The following LHFPL3 variants were observed in gnomAD, a reference collection of about 807,000 sequenced individuals.
The protein encoded by LHFPL3 is LHFPL tetraspan subfamily member 3, also known as LHFPL tetraspan subfamily member 3 protein.
In LHFPL3, 5 loss-of-function variants were observed where a neutral mutation model predicts 19.3. The ratio of observed to expected loss-of-function variants is 0.26; its 90% confidence interval spans 0.14 to 0.54. LHFPL3 has a LOEUF of 0.54. Among genes scored for constraint, LHFPL3 ranks in the 20% least tolerant of loss-of-function variants. The probability of loss-of-function intolerance (pLI) is 0.94; values close to 1 mark genes in which losing one functional copy is unlikely to be tolerated. For synonymous variants in LHFPL3, 133 were observed against 126.2 expected (o/e 1.05, Z -0.36); for missense variants, 249 against 307.4 (o/e 0.81, Z 1.42).
chr7:104,553,816 T>G (rs185420132), intron 1 of LHFPL3, among the ~76,000 whole-genome samples: 1 of 152,304 alleles, frequency 6.6e-6, no homozygotes, highest in East Asian at 1.9e-4. Context: ...ACACTGAAAC[T>G]TAATTAGTCC....
intron 2 of LHFPL3, among the ~76,000 whole-genome samples, chr7:104,862,744 A>G (rs763882576): frequency 6.6e-6 from 1 of 152,140 alleles, no homozygotes; most frequent in Non-Finnish European, 1.5e-5. Context: ...CAGCTTTCCA[A>G]GGAGCTTTAT....
chr7:104,838,872 T>C (rs182486579), intron 2 of LHFPL3, among the ~76,000 whole-genome samples: 1 of 152,338 alleles, frequency 6.6e-6, no homozygotes, highest in Non-Finnish European at 1.5e-5. Flanking sequence ...CAAAATAATG[T>C]AGTTAATACC....
intron 1 of LHFPL3, among the ~76,000 whole-genome samples, chr7:104,489,963 G>T (rs1233653701): frequency 6.6e-6 from 1 of 152,066 alleles, no homozygotes; most frequent in East Asian, 1.9e-4. Flanking sequence ...CCTACTGCAG[G>T]TCTAACTGAT....
intron 1 of LHFPL3, among the ~76,000 whole-genome samples, chr7:104,481,988 G>A (rs1298245448): frequency 6.6e-6 from 1 of 152,130 alleles, no homozygotes; most frequent in Non-Finnish European, 1.5e-5. Flanking sequence ...GCCTGCTAAT[G>A]GCTCTCAGTT....
At chr7:104,730,406 G>T (rs1375356314) in intron 1 of LHFPL3, among the ~76,000 whole-genome samples, 4 of 152,182 alleles carry the variant, frequency 2.6e-5, no homozygotes. Context: ...TCCAGCACCT[G>T]TTGTTTCCTG....
intron 1 of LHFPL3, among the ~76,000 whole-genome samples, chr7:104,672,058 AGTGTGT>A (rs71155518): frequency 0.14 from 21,069 of 148,716 alleles, 1,546 homozygotes; most frequent in Non-Finnish European, 0.17. Context: ...TTAACTTCCA[AGTGTGT>A]GTGTGTGTGT....
chr7:104,879,403 G>T (rs1277863185), intron 2 of LHFPL3, among the ~76,000 whole-genome samples: 1 of 151,842 alleles, frequency 6.6e-6, no homozygotes, highest in Admixed American at 6.6e-5. Context: ...GCAACAGAGT[G>T]AGACCCTGTC....
At chr7:104,335,093 T>C (rs1789768135) in intron 1 of LHFPL3, among the ~76,000 whole-genome samples, 1 of 152,144 alleles carries the variant, frequency 6.6e-6, no homozygotes, top group African/African-American at 2.4e-5. Context: ...TGAGCTCTGA[T>C]GGGGTGCTCT....
chr7:104,696,510 A>G (rs1284095750), intron 1 of LHFPL3, among the ~76,000 whole-genome samples: 1 of 151,974 alleles, frequency 6.6e-6, no homozygotes, highest in Non-Finnish European at 1.5e-5. Context: ...AAATTTATCA[A>G]AGCCCACCTT....
At chr7:104,905,105 C>G (rs979212281) in intron 2 of LHFPL3, among the ~76,000 whole-genome samples, 2 of 151,882 alleles carry the variant, frequency 1.3e-5, no homozygotes, top group Non-Finnish European at 2.9e-5. Flanking sequence ...ACAGGCGCAC[C>G]ACCACACTCG....
intron 1 of LHFPL3, among the ~76,000 whole-genome samples, chr7:104,485,818 C>T (rs749434534): frequency 6.6e-6 from 1 of 152,142 alleles, no homozygotes; most frequent in African/African-American, 2.4e-5. Context: ...TGTTCTCTGC[C>T]CTGTGTCCAT....
chr7:104,549,578 G>T (rs1167931746), intron 1 of LHFPL3, among the ~76,000 whole-genome samples: 2 of 151,942 alleles, frequency 1.3e-5, no homozygotes, highest in Admixed American at 1.3e-4. Context: ...GGACATTTCT[G>T]TCAAGATTTT....
chr7:104,724,280 C>G (rs1793548701), intron 1 of LHFPL3, among the ~76,000 whole-genome samples: 2 of 152,096 alleles, frequency 1.3e-5, no homozygotes, highest in African/African-American at 4.8e-5. Context: ...ATTTTAATGG[C>G]TTAAATTAAA....
rs144859466 is a variant in LHFPL3 at position 104,740,499 on chromosome 7, C to G, written c.682+3588C>G. ...AGGCCACTGTATTAGTCTGTTCTCA[C>G]GCTGCTAATAAAGACATACCTGAGA... is the stretch of plus-strand genomic sequence containing the variant. On this transcript the variant is annotated intron_variant, in intron 2 of 2. Coordinates refer to ENST00000424859, the MANE Select transcript of LHFPL3 (RefSeq NM_199000.3). Among the ~76,000 whole-genome samples the G allele has an allele frequency of 1.5e-3, 227 of 152,258 alleles. 8 individuals are homozygous for G. Among genetic ancestry groups the G allele is most frequent in the Admixed American group, 0.015 (227 of 15,288 alleles).
At chr7:104,558,334 G>A (rs1453224024) in intron 1 of LHFPL3, among the ~76,000 whole-genome samples, 1 of 146,340 alleles carries the variant, frequency 6.8e-6, no homozygotes, top group Admixed American at 6.8e-5. Context: ...ATCCTCTCCA[G>A]CACCTGTTGT....
At chr7:104,531,642 C>T (rs552427694) in intron 1 of LHFPL3, among the ~76,000 whole-genome samples, 3 of 152,310 alleles carry the variant, frequency 2.0e-5, no homozygotes, top group African/African-American at 7.2e-5. Flanking sequence ...GTATGACATA[C>T]ACCCAGGTAT....
At chr7:104,563,342 G>C (rs557230350) in intron 1 of LHFPL3, among the ~76,000 whole-genome samples, 4 of 152,420 alleles carry the variant, frequency 2.6e-5, no homozygotes, top group African/African-American at 7.2e-5. Flanking sequence ...AGACTCCGTG[G>C]GCGTAGGACC....
intron 1 of LHFPL3, among the ~76,000 whole-genome samples, chr7:104,709,771 C>G (rs1261632758): frequency 2.6e-5 from 4 of 151,634 alleles, no homozygotes; most frequent in Non-Finnish European, 5.9e-5. Flanking sequence ...GGGTGGCGGC[C>G]GGGCAGAGGG....
intron 1 of LHFPL3, among the ~76,000 whole-genome samples, chr7:104,437,527 C>T (rs531042618): frequency 2.6e-5 from 4 of 152,312 alleles, no homozygotes; most frequent in Admixed American, 2.0e-4. Context: ...CCCCACACTT[C>T]AGATGCTAAT....
Sources: allele counts gnomAD v4.1 joint callset (sites outside exome capture counted in the v4.1 genomes callset), GRCh38; gene constraint gnomAD v4.1.1; transcripts MANE v1.5; gene names NCBI Gene and HGNC (gene_info 2026-07-23, HGNC 2026-07-21).